The following CTTNBP2NL variants were observed in gnomAD, a reference collection of about 807,000 sequenced individuals.
CTTNBP2NL encodes the protein CTTNBP2 N-terminal-like protein.
CTTNBP2NL carries 16 observed loss-of-function variants against 32.5 expected under a neutral mutation model. The ratio of observed to expected loss-of-function variants is 0.49; its 90% CI spans 0.33 to 0.75. The LOEUF is 0.75. Ranked by LOEUF, CTTNBP2NL falls within the 30% of genes least tolerant of loss-of-function variation. The pLI, the probability that CTTNBP2NL is intolerant of heterozygous loss-of-function variation, is 0.02. For synonymous variants in CTTNBP2NL, 298 were observed against 289.4 expected, an observed-to-expected ratio of 1.03 and a Z score of -0.30; for missense variants, 645 against 756.0, an observed-to-expected ratio of 0.85 and a Z score of 1.72.
chr1:112,396,034 A>C (rs971860917), upstream of CTTNBP2NL: 3 of 152,268 alleles, frequency 2.0e-5, no homozygotes, highest in African/African-American at 4.8e-5. Flanking sequence ...CGCGAGCTCA[A>C]TCCCGGCCTT....
rs147104810 is a variant in CTTNBP2NL, at chr1:112,411,458, C to T, written c.-133-736C>T. Among the ~76,000 whole-genome samples, 1,486 of 152,094 alleles carry T rather than the reference C, an allele frequency of 9.8e-3. 36 individuals are homozygous for T. Among genetic ancestry groups the T allele is most frequent in the African/African-American group, 0.034 (1,403 of 41,476 alleles). On this transcript the variant is annotated intron_variant, in intron 1 of 5. Coordinates refer to ENST00000271277, the MANE Select transcript of CTTNBP2NL (RefSeq NM_018704.3). ...TGATCATAAATGTGAAAAATATATA[C>T]AGCTATAGCTGTCTATACCACAGTG...
chr1:112,426,339 T>C (rs1458449084), intron 3 of CTTNBP2NL, among the ~76,000 whole-genome samples: 1 of 151,948 alleles, frequency 6.6e-6, no homozygotes, highest in Non-Finnish European at 1.5e-5. Context: ...TGATGTGGAG[T>C]AGCTTTTTCA....
intron 1 of CTTNBP2NL, among the ~76,000 whole-genome samples, chr1:112,399,687 A>T (rs1383496305): frequency 6.6e-6 from 1 of 152,098 alleles, no homozygotes; most frequent in South Asian, 2.1e-4. Context: ...GGAAGCAGAG[A>T]TATGCTTCTA....
In CTTNBP2NL at chr1:112,425,063, A is replaced by C. The variant is rs183458374; in HGVS notation, c.99+8799A>C. ...GGTCTCGAACTCCTGGCCTGGACCC[A>C]AGTGATCCTCCCACCTCACCCTCCC... On this transcript the variant is annotated intron_variant, in intron 3 of 5. Coordinates refer to ENST00000271277, the MANE Select transcript of CTTNBP2NL (RefSeq NM_018704.3). Among the ~76,000 whole-genome samples, 349 of 150,932 alleles carry C rather than the reference A, an allele frequency of 2.3e-3. 2 individuals are homozygous for C. Among genetic ancestry groups the C allele is most frequent in the African/African-American group, 8.0e-3 (328 of 41,030 alleles).
chr1:112,393,978 G>C (rs530869969), upstream of CTTNBP2NL, among the ~76,000 whole-genome samples: 2 of 152,258 alleles, frequency 1.3e-5, no homozygotes, highest in African/African-American at 4.8e-5. Context: ...GAGGCCAGCA[G>C]GTGGATCACC....
At chr1:112,446,060 A>G (rs1445019147) in intron 3 of CTTNBP2NL, among the ~76,000 whole-genome samples, 3 of 152,224 alleles carry the variant, frequency 2.0e-5, no homozygotes, top group Non-Finnish European at 4.4e-5. Flanking sequence ...ACCATCACTA[A>G]CCATACTGAA....
rs1419133313 is a variant in CTTNBP2NL at position 112,457,908 on chromosome 1, A to T, written c.*496A>T. The stretch of plus-strand genomic sequence containing the variant: ...TGTGAATTCTGAATGTTAAAAACCA[A>T]CACTGCTTTTAATCCTCTTTTAATG... On this transcript the variant is annotated 3_prime_UTR_variant, in exon 6 of 6. Coordinates refer to ENST00000271277, the MANE Select transcript of CTTNBP2NL (RefSeq NM_018704.3). The T allele has an allele frequency of 6.5e-6, 1 of 154,914 alleles. No homozygotes were observed. Among genetic ancestry groups the T allele is most frequent in the Non-Finnish European group, 1.4e-5 (1 of 69,616 alleles). The allele number at this position is 154,914 out of a possible 1,614,324, so 9.6% of individuals were successfully genotyped here.
At chr1:112,421,308 T>C (rs993503510) in intron 3 of CTTNBP2NL, among the ~76,000 whole-genome samples, 9 of 125,346 alleles carry the variant, frequency 7.2e-5, no homozygotes, top group Non-Finnish European at 1.0e-4. Context: ...CCCATTTCTT[T>C]TCTTTTTTTT....
intron 3 of CTTNBP2NL, among the ~76,000 whole-genome samples, chr1:112,427,853 G>A (rs1043352123): frequency 2.8e-5 from 4 of 145,082 alleles, no homozygotes; most frequent in Non-Finnish European, 4.5e-5. Flanking sequence ...CCGAGATCGC[G>A]CCACTGCACC....
intron 3 of CTTNBP2NL, among the ~76,000 whole-genome samples, chr1:112,447,318 CTG>C (rs1650080976): frequency 1.3e-5 from 2 of 148,188 alleles, no homozygotes; most frequent in South Asian, 2.2e-4. Flanking sequence ...ATCTTAGACT[CTG>C]TGTTTTATAC....
chr1:112,403,406 C>CTATT (rs1553222924), intron 1 of CTTNBP2NL, among the ~76,000 whole-genome samples: 10 of 151,750 alleles, frequency 6.6e-5, no homozygotes, highest in African/African-American at 2.2e-4. Flanking sequence ...TTTTCAGTAT[C>CTATT]TGAACCAGAC....
chr1:112,455,786 T>G (rs1650342673), intron 5 of CTTNBP2NL, 145 bp from the exon 6 acceptor site: 1 of 611,142 alleles, frequency 1.6e-6, no homozygotes, highest in Non-Finnish European at 2.8e-6. Context: ...GTGCATTTTT[T>G]GTGTTAGGTG....
At chr1:112,398,947 G>A (rs1004020016) in intron 1 of CTTNBP2NL, among the ~76,000 whole-genome samples, 4 of 151,772 alleles carry the variant, frequency 2.6e-5, no homozygotes, top group African/African-American at 9.7e-5. Flanking sequence ...GGATTTTATT[G>A]TTCTAAATAT....
intron 1 of CTTNBP2NL, among the ~76,000 whole-genome samples, chr1:112,401,720 G>A (rs147151096): frequency 8.5e-5 from 13 of 152,176 alleles, no homozygotes; most frequent in Non-Finnish European, 1.6e-4. Flanking sequence ...GAGTTTGTGG[G>A]TTGAAGAAAA....
chr1:112,430,326 A>G (rs1434214208), intron 3 of CTTNBP2NL, among the ~76,000 whole-genome samples: 3 of 151,838 alleles, frequency 2.0e-5, no homozygotes, highest in African/African-American at 7.2e-5. Flanking sequence ...CCTGGGCTCA[A>G]GTGATCTTCC....
chr1:112,391,586 A>T (rs1335331121), upstream of CTTNBP2NL, among the ~76,000 whole-genome samples: 1 of 152,178 alleles, frequency 6.6e-6, no homozygotes, highest in Non-Finnish European at 1.5e-5. Context: ...AGGAGCTATT[A>T]TCTCATTTAA....
chr1:112,442,122 G>GT (rs1415977894), intron 3 of CTTNBP2NL, among the ~76,000 whole-genome samples: 2 of 152,040 alleles, frequency 1.3e-5, no homozygotes, highest in Non-Finnish European at 2.9e-5. Flanking sequence ...AATGTTTTTT[G>GT]TTTTTTGTTT....
At chr1:112,404,298 A>G (rs1648594801) in intron 1 of CTTNBP2NL, among the ~76,000 whole-genome samples, 1 of 152,234 alleles carries the variant, frequency 6.6e-6, no homozygotes, top group Admixed American at 6.5e-5. Context: ...TAAGTCAGTT[A>G]TCTGTCTTAG....
At chr1:112,391,628 A>T (rs115944677), upstream of CTTNBP2NL, among the ~76,000 whole-genome samples, 2,706 of 152,262 alleles carry the variant, frequency 0.018, 78 homozygotes, top group African/African-American at 0.061. Context: ...GTAAGTGCCC[A>T]TAGCTCTCCT....
Sources: allele counts gnomAD v4.1 joint callset (sites outside exome capture counted in the v4.1 genomes callset), GRCh38; gene constraint gnomAD v4.1.1; transcripts MANE v1.5; gene names NCBI Gene and HGNC (gene_info 2026-07-23, HGNC 2026-07-21).